Variants in PLBD2 observed in about 807,000 individuals in gnomAD.
PLBD2 encodes the protein putative aminopeptidase PLBD2.
Under a neutral mutation model 68.3 loss-of-function variants are expected in PLBD2, and 51 were observed. That is an observed-to-expected ratio of 0.75 (90% CI 0.60 to 0.94). The LOEUF (loss-of-function observed/expected upper bound fraction) is 0.94, where lower values mean the gene tolerates loss of function less well. Among genes scored for constraint, PLBD2 ranks in the 40% least tolerant of loss-of-function variants. The probability of loss-of-function intolerance (pLI) is 0.00; values close to 1 mark genes in which losing one functional copy is unlikely to be tolerated. For missense variants in PLBD2, 729 were observed against 792.2 expected (o/e 0.92, Z 0.96); for synonymous variants, 314 against 339.3 (o/e 0.93, Z 0.82).
intron 5 of PLBD2, chr12:113,375,291 G>C: frequency 2.2e-6 from 1 of 456,108 alleles, no homozygotes; most frequent in East Asian, 4.2e-5. Context: ...AACTACAAAT[G>C]TGTACCACCA....
At chr12:113,385,419 GC>G in intron 9 of PLBD2, 136 bp downstream of exon 9, 1 of 801,986 alleles carries the variant, frequency 1.2e-6, no homozygotes, top group Non-Finnish European at 2.0e-6. Flanking sequence ...GGCCAGGAGA[GC>G]CCAGACAGTT....
intron 5 of PLBD2, among the ~76,000 whole-genome samples, chr12:113,376,411 G>T (rs556216896): frequency 2.0e-5 from 3 of 149,800 alleles, no homozygotes; most frequent in Admixed American, 1.3e-4. Flanking sequence ...TGATACAGCC[G>T]CCTCGGCCTC....
intron 5 of PLBD2, among the ~76,000 whole-genome samples, chr12:113,376,228 A>G (rs1047392009): frequency 1.3e-5 from 2 of 148,412 alleles, no homozygotes; most frequent in African/African-American, 2.5e-5. Flanking sequence ...CAGTGGCACA[A>G]TCTCAGCTCA....
intron 1 of PLBD2, among the ~76,000 whole-genome samples, chr12:113,368,018 G>A (rs1237823223): frequency 3.3e-5 from 5 of 151,992 alleles, no homozygotes; most frequent in Non-Finnish European, 7.4e-5. Context: ...GGAGGCAGAG[G>A]TTGCAGTGAG....
At chr12:113,380,699 C>A in intron 5 of PLBD2, 46 bp from the exon 6 acceptor site, 1 of 1,497,820 alleles carries the variant, frequency 6.7e-7, no homozygotes, top group African/African-American at 1.4e-5. Flanking sequence ...GGGGCCTCCA[C>A]CTGTGCCTGT....
chr12:113,385,735 G>A (rs986634368), intron 9 of PLBD2, among the ~76,000 whole-genome samples: 3 of 152,212 alleles, frequency 2.0e-5, no homozygotes, highest in African/African-American at 7.2e-5. Flanking sequence ...TTGGCGAATG[G>A]TGAAGGCAGG....
At chr12:113,382,424 GGAAA>G (rs896758765) in intron 6 of PLBD2, among the ~76,000 whole-genome samples, 2 of 151,982 alleles carry the variant, frequency 1.3e-5, no homozygotes, top group Non-Finnish European at 2.9e-5. Context: ...CGTTAACAGT[GGAAA>G]GAAATACCAA....
chr12:113,358,914 C>T, intron 1 of PLBD2, 24 bp downstream of exon 1: 1 of 1,492,242 alleles, frequency 6.7e-7, no homozygotes, highest in Non-Finnish European at 8.9e-7. Flanking sequence ...TATCCCCACG[C>T]GGGGCCATCG....
chr12:113,375,050 G>A (rs935375182), intron 5 of PLBD2, 43 bp downstream of exon 5: 2 of 1,586,420 alleles, frequency 1.3e-6, no homozygotes, highest in Non-Finnish European at 1.7e-6. Context: ...CAGGTGGGTG[G>A]GCACACACGT....
At chr12:113,369,233 G>C (rs747750916) in intron 2 of PLBD2, 24 bp downstream of exon 2, 1 of 1,559,996 alleles carries the variant, frequency 6.4e-7, no homozygotes, top group African/African-American at 1.4e-5. Context: ...TGGGGACATG[G>C]GGCTCCCACC....
At chr12:113,377,186 G>A (rs1957443898) in intron 5 of PLBD2, 1 of 152,174 alleles carries the variant, frequency 6.6e-6, no homozygotes, top group South Asian at 2.1e-4. Flanking sequence ...CTATCACAGT[G>A]GTTTGGTGAC....
rs1295053279 is a variant in PLBD2, at chr12:113,359,975, GTGGTCTGTGCTCAGACCACAC to G, written c.290+1088_290+1108del. Among the ~76,000 whole-genome samples the G allele has an allele frequency of 7.2e-5, 11 of 152,278 alleles. No individual in the cohort carries two copies. In the East Asian group the frequency reaches 2.1e-3, roughly 29 times the overall value. The stretch of plus-strand genomic sequence containing the variant: ...CCTAGCACTAGGATGTGCCCAGGAT[GTGGTCTGTGCTCAGACCACAC>G]TGCCCCCTGCAGCAGAAAGGGCCTC... On this transcript the variant is annotated intron_variant, in intron 1 of 11. Transcript: ENST00000280800.
chr12:113,367,150 C>A (rs1484913799), intron 1 of PLBD2, among the ~76,000 whole-genome samples: 1 of 152,064 alleles, frequency 6.6e-6, no homozygotes, highest in Non-Finnish European at 1.5e-5. Context: ...AATGTGTATA[C>A]AGGGAATTTC....
rs776835382 is a variant in PLBD2 at position 113,385,322 on chromosome 12, G to T, written c.1286+39G>T. Reference sequence around the variant, plus strand: ...CACTCCGCTCCCCGTCACCCTCCAGGGCATCCACCTCACTCCTTGCCCAGC... The same window carrying T: ...CACTCCGCTCCCCGTCACCCTCCAGTGCATCCACCTCACTCCTTGCCCAGC... On this transcript the variant is annotated intron_variant, in intron 9 of 11. Transcript: ENST00000280800. 4.4e-6 allele frequency: 7 copies of T among 1,576,492 alleles called. No individual in the cohort carries two copies. In the Admixed American group the frequency reaches 1.2e-4, roughly 26 times the overall value.
chr12:113,380,650 C>T, intron 5 of PLBD2, 95 bp from the exon 6 acceptor site: 3 of 975,544 alleles, frequency 3.1e-6, no homozygotes, highest in Non-Finnish European at 4.7e-6. Flanking sequence ...CGGAGGCCTG[C>T]CTGTGCCCCT....
intron 5 of PLBD2, among the ~76,000 whole-genome samples, chr12:113,380,165 C>T (rs1957473307): frequency 6.6e-6 from 1 of 151,928 alleles, no homozygotes; most frequent in Admixed American, 6.6e-5. Context: ...TAGATGGAGT[C>T]TCACTCTGTC....
chr12:113,387,082 C>T lies in PLBD2; in HGVS notation c.1432C>T (p.Leu478=). 6.3e-7 allele frequency: 1 copy of T among 1,588,640 alleles called. No individual in the cohort carries two copies. Among genetic ancestry groups the T allele is most frequent in the Non-Finnish European group, 8.6e-7 (1 of 1,167,984 alleles). ...LVQDMDSMVR[L]MRYNDFLHDP... Reference sequence around the variant, plus strand: ...ACAAGACATGGACTCCATGGTCAGGCTGATGAGGTAGGTGCCAGTTGGGTG... The same window carrying T: ...ACAAGACATGGACTCCATGGTCAGGTTGATGAGGTAGGTGCCAGTTGGGTG... The change falls in exon 10 of 12, where the codon CTG becomes TTG. Residue 478 remains leucine, a synonymous_variant. Coordinates refer to ENST00000280800, the MANE Select transcript of PLBD2 (RefSeq NM_173542.4).
intron 2 of PLBD2, among the ~76,000 whole-genome samples, chr12:113,370,684 G>A (rs1288023981): frequency 6.6e-6 from 1 of 151,854 alleles, no homozygotes; most frequent in Non-Finnish European, 1.5e-5. Flanking sequence ...TGCCATGTTG[G>A]CCAGGCTGGT....
At chr12:113,368,378 A>G (rs968786432) in intron 1 of PLBD2, among the ~76,000 whole-genome samples, 4 of 152,222 alleles carry the variant, frequency 2.6e-5, no homozygotes, top group African/African-American at 4.8e-5. Context: ...GCTCTACTTC[A>G]TGCTGCAGCT....
Sources: gnomAD v4.1 joint callset for allele counts (sites outside exome capture counted in the v4.1 genomes callset) on GRCh38, gnomAD v4.1.1 for gene constraint, MANE v1.5 for transcripts, NCBI Gene and HGNC (gene_info 2026-07-23, HGNC 2026-07-21) for gene names.